Variants in CFAP74 observed in about 807,000 individuals in gnomAD.
CFAP74 encodes the protein cilia- and flagella-associated protein 74.
A neutral mutation model predicts 188.9 loss-of-function variants in CFAP74; 124 were observed. The observed-to-expected ratio is 0.66, with a 90% CI of 0.57 to 0.76. The LOEUF is 0.76. Among genes scored for constraint, CFAP74 ranks in the 30% least tolerant of loss-of-function variants. CFAP74 has a pLI of 0.00. For missense variants in CFAP74, 2,198 were observed against 2,165.2 expected, an observed-to-expected ratio of 1.02 and a Z score of -0.30; for synonymous variants, 956 against 916.7, an observed-to-expected ratio of 1.04 and a Z score of -0.77.
chr1:1,993,108 C>T (rs28535542), intron 1 of CFAP74, among the ~76,000 whole-genome samples: 4 of 147,954 alleles, frequency 2.7e-5, no homozygotes, highest in East Asian at 2.1e-4. Context: ...GGCTGAGGCC[C>T]GAGAATTGCT....
intron 6 of CFAP74, among the ~76,000 whole-genome samples, chr1:1,979,282 C>T (rs1372232939): frequency 3.2e-5 from 4 of 126,396 alleles, no homozygotes; most frequent in African/African-American, 3.0e-5. Context: ...CGTCATGTGA[C>T]GAGGCTGCAC....
chr1:1,925,062 A>G (rs114516025), intron 33 of CFAP74, among the ~76,000 whole-genome samples: 2,433 of 145,922 alleles, frequency 0.017, 69 homozygotes, highest in African/African-American at 0.059. Flanking sequence ...GCATGAGGGC[A>G]CACACTGGTG....
chr1:1,999,634 T>G (rs943837728), intron 1 of CFAP74, among the ~76,000 whole-genome samples: 1 of 150,866 alleles, frequency 6.6e-6, no homozygotes. Context: ...CTGGCCAACA[T>G]GGTGAAACCC....
At chr1:1,999,325 G>A (rs1342563919) in intron 1 of CFAP74, among the ~76,000 whole-genome samples, 1 of 152,040 alleles carries the variant, frequency 6.6e-6, no homozygotes, top group African/African-American at 2.4e-5. Context: ...CATCTTTGTC[G>A]GCACCCACCC....
In CFAP74 at chr1:1,926,460, C is replaced by T. The variant is rs1434984645; in HGVS notation, c.3825G>A (p.Leu1275=). The part of the protein sequence containing the change: ...ISIQNVSPED[L]ALDFSLLNPN... ...TGAGCTGGGTGGACAAGGACACGGC[C>T]AGATCCTCGGGAGAGACGTTCTGGA... The change falls in exon 31 of 39, where the codon CTG becomes CTA. Residue 1275 remains leucine, a synonymous_variant. Coordinates refer to ENST00000682832, the MANE Select transcript of CFAP74 (RefSeq NM_001304360.2). The T allele has an allele frequency of 1.4e-5, 21 of 1,550,154 alleles. No homozygotes were observed. Among genetic ancestry groups the T allele is most frequent in the Non-Finnish European group, 1.7e-5 (19 of 1,146,922 alleles).
chr1:1,924,036 C>T (rs552669720), intron 34 of CFAP74, 107 bp from the exon 35 acceptor site: 2 of 1,180,802 alleles, frequency 1.7e-6, no homozygotes, highest in Admixed American at 2.6e-5. Context: ...CCCTGCAGAG[C>T]CCCTGTCCTG....
chr1:1,944,787 A>G lies in CFAP74; in HGVS notation c.2365-335T>C, dbSNP rs574007414. Among the ~76,000 whole-genome samples, 51 of 152,046 alleles carry G rather than the reference A, an allele frequency of 3.4e-4. 1 individual carries two copies. The highest frequency in any genetic ancestry group is 2.9e-3 in the Admixed American group (44 of 15,264). On this transcript the variant is annotated intron_variant, in intron 20 of 38. Transcript: ENST00000682832. ...ATGCCAGGCTAATTTTTGTATTTTT[A>G]GTAGAGATGGGGTTTTGCCACGTTG...
intron 21 of CFAP74, among the ~76,000 whole-genome samples, chr1:1,943,998 G>C (rs963662125): frequency 6.6e-6 from 1 of 152,176 alleles, no homozygotes; most frequent in East Asian, 1.9e-4. Flanking sequence ...GCCTCCCTGT[G>C]ACGCCTCCCG....
chr1:1,993,161 A>G (rs534142023), intron 1 of CFAP74, among the ~76,000 whole-genome samples: 2 of 147,318 alleles, frequency 1.4e-5, no homozygotes, highest in African/African-American at 5.0e-5. Context: ...AGATCACGCC[A>G]CTGCATTCTA....
At chr1:1,987,892 C>G (rs1002002744) in intron 4 of CFAP74, 4 of 331,168 alleles carry the variant, frequency 1.2e-5, no homozygotes, top group Admixed American at 4.1e-5. Flanking sequence ...GGAGGGAAAT[C>G]GTAGTTTCCC....
rs201002422 is a variant in CFAP74 at position 1,956,732 on chromosome 1, G to T, written c.1904C>A (p.Thr635Asn). The change falls in exon 17 of 39, where the codon ACC (threonine) becomes AAC (asparagine). Residue 635 changes from threonine (T) to asparagine (N), a missense_variant. Coordinates refer to ENST00000682832, the MANE Select transcript of CFAP74 (RefSeq NM_001304360.2). ...GGTCAGCGTGATGGTCCGAGACGTG[G>T]TCTCTCCTACCACGTAGCTGCCGAA... Reference protein sequence around the residue: ...IDFGSYVVGETTSRTITLTNV... With the variant: ...IDFGSYVVGENTSRTITLTNV... 1.1e-5 allele frequency: 17 copies of T among 1,613,774 alleles called. No individual in the cohort carries two copies. The highest frequency in any genetic ancestry group is 2.5e-6 in the Non-Finnish European group (3 of 1,179,928).
At chr1:1,936,922 A>T (rs1652938522) in intron 25 of CFAP74, among the ~76,000 whole-genome samples, 1 of 149,984 alleles carries the variant, frequency 6.7e-6, no homozygotes, top group African/African-American at 2.5e-5. Flanking sequence ...AAAAAAAAAA[A>T]TTAAAATGTA....
intron 11 of CFAP74, among the ~76,000 whole-genome samples, chr1:1,967,941 ATGAG>A (rs1325387707): frequency 1.4e-5 from 2 of 142,226 alleles, no homozygotes; most frequent in African/African-American, 2.6e-5. Flanking sequence ...GAATGAATGA[ATGAG>A]TGAATCAGTG....
chr1:1,959,456 G>A (rs980351937), intron 15 of CFAP74, among the ~76,000 whole-genome samples: 5 of 152,008 alleles, frequency 3.3e-5, no homozygotes, highest in African/African-American at 1.2e-4. Context: ...TGTAGAGACG[G>A]GGTCTCGCCA....
intron 18 of CFAP74, among the ~76,000 whole-genome samples, chr1:1,949,921 G>A (rs753698516): frequency 3.3e-5 from 5 of 152,220 alleles, no homozygotes; most frequent in South Asian, 4.1e-4. Flanking sequence ...CACTCCCCAC[G>A]CGTGGGACAT....
chr1:1,955,405 C>T, intron 18 of CFAP74: 3 of 1,422,896 alleles, frequency 2.1e-6, no homozygotes, highest in Non-Finnish European at 2.8e-6. Flanking sequence ...CGCAGAGCCT[C>T]TTCCCCGCCC....
At chr1:1,929,999 G>C (rs1652233278) in intron 26 of CFAP74, 61 bp downstream of exon 26, 3 of 1,459,696 alleles carry the variant, frequency 2.1e-6, no homozygotes, top group Non-Finnish European at 2.7e-6. Context: ...GACACCCCAG[G>C]GGTAAATGCA....
chr1:1,931,553 G>T (rs573063725), intron 25 of CFAP74, among the ~76,000 whole-genome samples: 1 of 146,358 alleles, frequency 6.8e-6, no homozygotes, highest in Admixed American at 7.0e-5. Context: ...TGGCTAACAC[G>T]GCGAAACCCC....
chr1:1,927,574 G>A lies in CFAP74; in HGVS notation c.3527+33C>T, dbSNP rs866376204. 2.6e-6 allele frequency: 4 copies of A among 1,539,580 alleles called. No individual in the cohort carries two copies. In the Middle Eastern group the frequency reaches 6.7e-4, roughly 259 times the overall value. On this transcript the variant is annotated intron_variant, in intron 28 of 38. Coordinates refer to ENST00000682832, the MANE Select transcript of CFAP74 (RefSeq NM_001304360.2). ...TGGGTCCCACCAGAGGGGCCTGGAG[G>A]GAAGCAGGTGGGGCAGCCCCTCCTG...
Sources: gnomAD v4.1 joint callset for allele counts (sites outside exome capture counted in the v4.1 genomes callset) on GRCh38, gnomAD v4.1.1 for gene constraint, MANE v1.5 for transcripts, NCBI Gene and HGNC (gene_info 2026-07-23, HGNC 2026-07-21) for gene names.